CNBP: variants seen among roughly 807,000 people sequenced by gnomAD.
CNBP encodes cellular nucleic acid-binding protein.
CNBP carries 6 observed loss-of-function variants against 21.2 expected under a neutral mutation model. That is an observed-to-expected ratio of 0.28 (90% confidence interval 0.16 to 0.56). The LOEUF is 0.56. CNBP is among the 20% of genes least tolerant of loss of function. The pLI, the probability that CNBP is intolerant of heterozygous loss-of-function variation, is 0.93. For synonymous variants in CNBP, 61 were observed against 74.9 expected (o/e 0.81, Z 0.96); for missense variants, 112 against 233.1 (o/e 0.48, Z 3.38).
rs138469672 is a variant in CNBP at position 129,173,392 on chromosome 3, A to G, written c.-14-1621T>C. The stretch of plus-strand genomic sequence containing the variant: ...ACAGATACCAAGAGATGACTGTATA[A>G]TAAAAATAGTAGGAAAACGACCATG... On this transcript the variant is annotated intron_variant, in intron 1 of 4. Coordinates refer to ENST00000422453, the MANE Select transcript of CNBP (RefSeq NM_003418.5). 1.3e-4 allele frequency among the ~76,000 whole-genome samples: 20 copies of G among 152,312 alleles called. No individual in the cohort carries two copies. In the East Asian group the frequency reaches 3.7e-3, roughly 28 times the overall value.
intron 1 of CNBP, among the ~76,000 whole-genome samples, chr3:129,174,894 C>G (rs1937795560): frequency 6.6e-6 from 1 of 151,856 alleles, no homozygotes; most frequent in African/African-American, 2.4e-5. Flanking sequence ...AGATACATCT[C>G]TTTTAGAAAA....
intron 1 of CNBP, among the ~76,000 whole-genome samples, chr3:129,176,725 T>C (rs1937929650): frequency 6.6e-6 from 1 of 152,208 alleles, no homozygotes; most frequent in Non-Finnish European, 1.5e-5. Flanking sequence ...TCTGAAATCA[T>C]AGGTGAGATT....
At chr3:129,173,632 A>G (rs1576914753) in intron 1 of CNBP, among the ~76,000 whole-genome samples, 1 of 152,246 alleles carries the variant, frequency 6.6e-6, no homozygotes, top group Admixed American at 6.5e-5. Context: ...CTTATGTAAC[A>G]ATCTAAAAAT....
At chr3:129,172,504 C>G (rs1937592924) in intron 1 of CNBP, among the ~76,000 whole-genome samples, 1 of 152,166 alleles carries the variant, frequency 6.6e-6, no homozygotes. Flanking sequence ...ATCGCTTGAA[C>G]CCGGGGGGTG....
chr3:129,178,323 A>C (rs147726291), intron 1 of CNBP, among the ~76,000 whole-genome samples: 58 of 152,332 alleles, frequency 3.8e-4, no homozygotes, highest in African/African-American at 1.4e-3. Flanking sequence ...CCTTAATGTC[A>C]GTACTTGTAC....
At position 129,168,971 on chromosome 3, in the gene CNBP, G is replaced by A. The variant is rs534029889; in HGVS notation, c.*1482C>T. On this transcript the variant is annotated 3_prime_UTR_variant, in exon 5 of 5. Coordinates refer to ENST00000422453, the MANE Select transcript of CNBP (RefSeq NM_003418.5). ...AAAAAAATTAGCTGGGCGCGGTGGC[G>A]GGTACCTGTAGCCCCAGCTACTCAG... Among the ~76,000 whole-genome samples the A allele has an allele frequency of 3.3e-5, 5 of 151,878 alleles. No homozygotes were observed. The highest frequency in any genetic ancestry group is 4.2e-4 in the South Asian group (2 of 4,814).
rs1263520918 is a variant in CNBP at position 129,169,516 on chromosome 3, G to A, written c.*937C>T. 1 of 201,916 alleles carries A rather than the reference G, an allele frequency of 5.0e-6. No individual in the cohort carries two copies. The highest frequency in any genetic ancestry group is 1.0e-5 in the Non-Finnish European group (1 of 98,170). 12.5% of individuals were successfully genotyped at this position (201,916 alleles called of 1,614,324 possible). ...CCTCCACATTCCCCTCTTTAATATG[G>A]TATTTTGCACTATATACATTAATGA... is the stretch of plus-strand genomic sequence containing the variant. On this transcript the variant is annotated 3_prime_UTR_variant, in exon 5 of 5. Transcript: ENST00000422453.
intron 1 of CNBP, among the ~76,000 whole-genome samples, chr3:129,174,592 G>A (rs1937767696): frequency 6.6e-6 from 1 of 151,222 alleles, no homozygotes; most frequent in Admixed American, 6.6e-5. Flanking sequence ...TTGAACCCGG[G>A]AGGTGGAGGT....
intron 1 of CNBP, among the ~76,000 whole-genome samples, chr3:129,173,276 A>G (rs555301248): frequency 6.6e-6 from 1 of 152,358 alleles, no homozygotes; most frequent in South Asian, 2.1e-4. Flanking sequence ...GAAGATGTGC[A>G]AAGGTTGTAA....
At position 129,171,600 on chromosome 3, in the gene CNBP, G is replaced by T. The variant is rs781315240; in HGVS notation, c.124+34C>A. On this transcript the variant is annotated intron_variant, in intron 2 of 4. Transcript: ENST00000422453. ...ACCAGTCTTGATACTAACAAATACT[G>T]AAGTACTTCAAATTTTTCTATTCGA... The T allele has an allele frequency of 3.7e-6, 6 of 1,613,982 alleles. No homozygotes were observed. The Admixed American group carries it at 1.0e-4, about 27-fold the overall frequency.
intron 1 of CNBP, among the ~76,000 whole-genome samples, chr3:129,183,038 G>A (rs1277048707): frequency 6.6e-6 from 1 of 151,956 alleles, no homozygotes; most frequent in African/African-American, 2.4e-5. Context: ...CACAACCTCG[G>A]CCTCCGGGGT....
chr3:129,174,753 A>G (rs7638827), intron 1 of CNBP, among the ~76,000 whole-genome samples: 146,810 of 152,246 alleles, frequency 0.96, 70,801 homozygotes, highest in East Asian at 0.99. Context: ...ATCTTCTCCA[A>G]TTTAGTCAGA....
intron 1 of CNBP, among the ~76,000 whole-genome samples, chr3:129,182,559 G>A (rs915703909): frequency 2.6e-5 from 4 of 152,132 alleles, no homozygotes; most frequent in African/African-American, 9.7e-5. Flanking sequence ...AGGTTCTCAC[G>A]ATATGGAAAA....
chr3:129,183,406 C>A (rs1938451501), intron 1 of CNBP, among the ~76,000 whole-genome samples: 1 of 152,248 alleles, frequency 6.6e-6, no homozygotes. Flanking sequence ...TGAGTTCCCG[C>A]CAAATCCACC....
Position 129,171,631 on chromosome 3 carries a change from T to C in CNBP, c.124+3A>G, listed in dbSNP as rs771602276. On this transcript the variant is annotated splice_donor_region_variant and intron_variant, in intron 2 of 4. Transcript: ENST00000422453. Reference sequence around the variant, plus strand: ...CTTCAAATTTTTCTATTCGACAAAATACCTCTATCCGAGGTAAAACCACCT... The same window carrying C: ...CTTCAAATTTTTCTATTCGACAAAACACCTCTATCCGAGGTAAAACCACCT... 1 of 1,614,176 alleles carries C rather than the reference T, an allele frequency of 6.2e-7. No homozygotes were observed. Among genetic ancestry groups the C allele is most frequent in the South Asian group, 1.1e-5 (1 of 91,082 alleles).
intron 1 of CNBP, among the ~76,000 whole-genome samples, chr3:129,172,057 G>A (rs998852659): frequency 6.6e-6 from 1 of 151,942 alleles, no homozygotes. Flanking sequence ...TGTAATCCCA[G>A]CTACTTGGGA....
In CNBP at chr3:129,167,856, CAT is replaced by C. The variant is rs979851989; in HGVS notation, c.*2595_*2596del. ...ATTGTCAAGATATTTATTGTGTTAA[CAT>C]GTGAGACATACAATTTGCTCAGTAA... On this transcript the variant is annotated 3_prime_UTR_variant, in exon 5 of 5. Coordinates refer to ENST00000422453, the MANE Select transcript of CNBP (RefSeq NM_003418.5). Among the ~76,000 whole-genome samples the C allele has an allele frequency of 1.3e-5, 2 of 152,168 alleles. No homozygotes were observed. The highest frequency in any genetic ancestry group is 4.8e-5 in the African/African-American group (2 of 41,456).
At chr3:129,174,666 A>C (rs1033386879) in intron 1 of CNBP, among the ~76,000 whole-genome samples, 3 of 151,810 alleles carry the variant, frequency 2.0e-5, no homozygotes, top group African/African-American at 7.3e-5. Context: ...TCTCAAAAAA[A>C]AAAAAAAAAA....
At chr3:129,182,248 A>T (rs1395201222) in intron 1 of CNBP, among the ~76,000 whole-genome samples, 1 of 152,240 alleles carries the variant, frequency 6.6e-6, no homozygotes, top group East Asian at 1.9e-4. Context: ...GTAATTTAAA[A>T]GCAAGATGGG....
Sources: gnomAD v4.1 joint callset for allele counts (sites outside exome capture counted in the v4.1 genomes callset) on GRCh38, gnomAD v4.1.1 for gene constraint, MANE v1.5 for transcripts, NCBI Gene and HGNC (gene_info 2026-07-23, HGNC 2026-07-21) for gene names.